Variants in EPB41L2 observed in about 807,000 individuals in gnomAD.
EPB41L2 encodes the protein band 4.1-like protein 2.
Under a neutral mutation model 113.0 loss-of-function variants are expected in EPB41L2, and 43 were observed. The ratio of observed to expected loss-of-function variants is 0.38; its 90% CI spans 0.30 to 0.49. The LOEUF (loss-of-function observed/expected upper bound fraction) is 0.49, where lower values mean the gene tolerates loss of function less well. Among genes scored for constraint, EPB41L2 ranks in the 20% least tolerant of loss-of-function variants. The pLI is 0.95. For synonymous variants in EPB41L2, 442 were observed against 436.7 expected (o/e 1.01, Z -0.15); for missense variants, 1,147 against 1,223.4 (o/e 0.94, Z 0.93).
At chr6:130,856,637 T>C (rs1375298729) in intron 19 of EPB41L2, among the ~76,000 whole-genome samples, 1 of 152,214 alleles carries the variant, frequency 6.6e-6, no homozygotes, top group East Asian at 1.9e-4. Context: ...CCACGCAAGG[T>C]AGAAAATGAA....
At chr6:130,870,291 G>A (rs548987801) in intron 14 of EPB41L2, 165 bp from the exon 15 acceptor site, 56 of 1,549,466 alleles carry the variant, frequency 3.6e-5, no homozygotes, top group South Asian at 9.5e-5. Flanking sequence ...AATGAGAAAC[G>A]TGAGGCAATG....
At chr6:130,869,528 C>T in intron 15 of EPB41L2, 35 bp downstream of exon 15, 3 of 1,589,704 alleles carry the variant, frequency 1.9e-6, no homozygotes, top group Non-Finnish European at 2.6e-6. Flanking sequence ...AGAAGCAGCT[C>T]TAGAGTTTGG....
rs564958887 is a variant in EPB41L2, at chr6:131,024,650, A to T, written c.-15+38505T>A. Among the ~76,000 whole-genome samples the T allele has an allele frequency of 3.6e-3, 537 of 151,054 alleles. 2 individuals are homozygous for T. Among genetic ancestry groups the T allele is most frequent in the African/African-American group, 0.013 (521 of 40,834 alleles). ...CCGTGTCTTACTCAAGTTATCTCCC[A>T]GATGTCTACTAACATAATTCCCTTA... is the stretch of plus-strand genomic sequence containing the variant. On this transcript the variant is annotated intron_variant, in intron 1 of 19. Coordinates refer to ENST00000337057, the MANE Select transcript of EPB41L2 (RefSeq NM_001431.4).
At chr6:130,893,600 C>T (rs1409510384) in intron 10 of EPB41L2, among the ~76,000 whole-genome samples, 1 of 152,158 alleles carries the variant, frequency 6.6e-6, no homozygotes, top group South Asian at 2.1e-4. Context: ...TCTGTAATAG[C>T]ACTAATCCAT....
intron 14 of EPB41L2, among the ~76,000 whole-genome samples, chr6:130,877,469 G>A (rs1175417141): frequency 6.6e-6 from 1 of 152,066 alleles, no homozygotes. Context: ...ATATCCTGAA[G>A]GCAATATGTA....
intron 3 of EPB41L2, among the ~76,000 whole-genome samples, chr6:130,930,822 A>G (rs561434219): frequency 2.6e-5 from 4 of 152,290 alleles, no homozygotes; most frequent in African/African-American, 9.6e-5. Flanking sequence ...CACAAAATAT[A>G]TATGTTTTAT....
chr6:130,858,043 G>T, intron 19 of EPB41L2, 88 bp downstream of exon 19: 1 of 1,019,830 alleles, frequency 9.8e-7, no homozygotes, highest in South Asian at 1.3e-5. Context: ...AGAAGACACT[G>T]ATATGAACTT....
intron 1 of EPB41L2, among the ~76,000 whole-genome samples, chr6:131,058,282 T>A (rs1257827036): frequency 6.6e-6 from 1 of 152,170 alleles, no homozygotes; most frequent in African/African-American, 2.4e-5. Context: ...GTAAGAGACA[T>A]CACTTTAAAA....
intron 1 of EPB41L2, among the ~76,000 whole-genome samples, chr6:130,964,638 A>G (rs1774547970): frequency 6.6e-6 from 1 of 152,160 alleles, no homozygotes; most frequent in South Asian, 2.1e-4. Flanking sequence ...CCAAGAAAAT[A>G]ACTATATTTG....
rs377294300 is a variant in EPB41L2 at position 130,910,732 on chromosome 6, T to G, written c.811-1869A>C. Among the ~76,000 whole-genome samples, 14 of 152,312 alleles carry G rather than the reference T, an allele frequency of 9.2e-5. No individual in the cohort carries two copies. In the East Asian group the frequency reaches 1.7e-3, roughly 19 times the overall value. ...GGTGAAGGATATGAATAGACACTTC[T>G]CAAAAGAAGACATTTATGTGGCCAA... On this transcript the variant is annotated intron_variant, in intron 4 of 19. Transcript: ENST00000337057.
intron 1 of EPB41L2, among the ~76,000 whole-genome samples, chr6:131,016,033 T>C (rs987354405): frequency 6.6e-6 from 1 of 152,212 alleles, no homozygotes; most frequent in Non-Finnish European, 1.5e-5. Context: ...ATGAATCGTC[T>C]AGGTTTGTGT....
intron 1 of EPB41L2, among the ~76,000 whole-genome samples, chr6:130,971,192 C>A (rs550267431): frequency 2.6e-5 from 4 of 152,178 alleles, no homozygotes; most frequent in Non-Finnish European, 5.9e-5. Context: ...CCACCGCGTC[C>A]GGCCACCCTG....
chr6:130,878,238 C>T lies in EPB41L2; in HGVS notation c.1909G>A (p.Ala637Thr). 1.2e-6 allele frequency: 2 copies of T among 1,610,748 alleles called. No homozygotes were observed. The highest frequency in any genetic ancestry group is 1.7e-6 in the Non-Finnish European group (2 of 1,178,816). Reference protein sequence around the residue: ...SNLMLEELDKAQEDILKHQAS... With the variant: ...SNLMLEELDKTQEDILKHQAS... ...TGATGTTTCAGTATGTCCTCCTGGG[C>T]CTTATCCAGTTCCTAGCAATATGTA... Residue 637 changes from alanine (A) to threonine (T), a missense_variant, in exon 14 of 20, where the codon GCC becomes ACC. By Grantham distance (58) the Ala-to-Thr change is moderately conservative. Coordinates refer to ENST00000337057, the MANE Select transcript of EPB41L2 (RefSeq NM_001431.4).
intron 18 of EPB41L2, among the ~76,000 whole-genome samples, chr6:130,859,510 CAAA>C (rs780156217): frequency 2.9e-5 from 3 of 102,558 alleles, no homozygotes; most frequent in Admixed American, 9.8e-5. Flanking sequence ...GACTTTGTCT[CAAA>C]AAAAAAAAAA....
At chr6:130,880,083 C>T in intron 13 of EPB41L2, 61 bp downstream of exon 13, 2 of 1,304,024 alleles carry the variant, frequency 1.5e-6, no homozygotes, top group Admixed American at 1.8e-5. Context: ...TAGGCGTGAC[C>T]TCCCGTCCAC....
intron 5 of EPB41L2, among the ~76,000 whole-genome samples, chr6:130,908,133 C>A (rs1338776307): frequency 1.3e-5 from 2 of 152,182 alleles, no homozygotes; most frequent in African/African-American, 4.8e-5. Context: ...AAAAAAACAG[C>A]CACAGGCAAA....
At chr6:131,004,585 CATG>C (rs1785038992) in intron 1 of EPB41L2, among the ~76,000 whole-genome samples, 1 of 152,196 alleles carries the variant, frequency 6.6e-6, no homozygotes, top group Non-Finnish European at 1.5e-5. Flanking sequence ...GACTAGCACA[CATG>C]TGCTCTCCAG....
chr6:130,859,355 T>C (rs982413614), intron 18 of EPB41L2, among the ~76,000 whole-genome samples: 1 of 152,036 alleles, frequency 6.6e-6, no homozygotes, highest in African/African-American at 2.4e-5. Context: ...ACCCAGTCTC[T>C]ACTAAAAACA....
chr6:130,872,266 T>C, intron 14 of EPB41L2: 1 of 857,712 alleles, frequency 1.2e-6, no homozygotes, highest in South Asian at 2.6e-5. Flanking sequence ...AAGAATTAAT[T>C]TCACCAATGA....
Sources: gnomAD v4.1 joint callset for allele counts (sites outside exome capture counted in the v4.1 genomes callset) on GRCh38, gnomAD v4.1.1 for gene constraint, MANE v1.5 for transcripts, NCBI Gene and HGNC (gene_info 2026-07-23, HGNC 2026-07-21) for gene names.